MLKL: variants seen among roughly 807,000 people sequenced by gnomAD.
MLKL encodes the protein mixed lineage kinase domain-like protein.
In MLKL, 55 loss-of-function variants were observed where a neutral mutation model predicts 56.5. The ratio of observed to expected loss-of-function variants is 0.97; its 90% CI spans 0.78 to 1.22. The LOEUF is 1.22. Ranked by LOEUF, MLKL falls within the 50% of genes most tolerant of loss-of-function variation. MLKL has a pLI of 0.00. For synonymous variants in MLKL, 251 were observed against 208.3 expected (o/e 1.20, Z -1.76); for missense variants, 694 against 573.9 (o/e 1.21, Z -2.14).
intron 5 of MLKL, among the ~76,000 whole-genome samples, chr16:74,683,193 C>A (rs1275923032): frequency 6.6e-6 from 1 of 151,390 alleles, no homozygotes; most frequent in Non-Finnish European, 1.5e-5. Context: ...CGTGTAATCC[C>A]ATCTACTTGG....
chr16:74,693,814 A>G (rs1960842872), intron 2 of MLKL, among the ~76,000 whole-genome samples: 2 of 152,110 alleles, frequency 1.3e-5, no homozygotes. Flanking sequence ...CGTGTTAGCC[A>G]GGATGGTCTC....
intron 2 of MLKL, among the ~76,000 whole-genome samples, chr16:74,694,498 T>C (rs1597511728): frequency 2.0e-5 from 3 of 151,436 alleles, no homozygotes; most frequent in Admixed American, 1.3e-4. Context: ...CTCGACCTCC[T>C]AGGTGCCTGT....
At chr16:74,685,628 T>C (rs1597495823) in intron 4 of MLKL, 45 bp from the exon 5 acceptor site, 1 of 1,499,628 alleles carries the variant, frequency 6.7e-7, no homozygotes, top group African/African-American at 1.4e-5. Context: ...AACTGGAAGG[T>C]TCCTTAGAGA....
At chr16:74,692,674 A>C (rs966253992) in intron 2 of MLKL, among the ~76,000 whole-genome samples, 5 of 152,272 alleles carry the variant, frequency 3.3e-5, no homozygotes, top group African/African-American at 1.2e-4. Flanking sequence ...GGGAGCATTT[A>C]ACTGACTCTG....
chr16:74,697,314 G>A (rs1272064473), intron 1 of MLKL, among the ~76,000 whole-genome samples: 2 of 152,050 alleles, frequency 1.3e-5, no homozygotes, highest in African/African-American at 2.4e-5. Context: ...TGAGCCACTG[G>A]TTTGAACTGA....
At chr16:74,675,815 AG>A (rs1227983333) in intron 7 of MLKL, 51 bp from the exon 8 acceptor site, 1 of 1,581,628 alleles carries the variant, frequency 6.3e-7, no homozygotes, top group African/African-American at 1.4e-5. Context: ...TGGGTAGAGG[AG>A]TAAAGGGCAG....
intron 7 of MLKL, chr16:74,676,504 ACACGTTTCCTGAG>A: frequency 1.0e-6 from 1 of 981,988 alleles, no homozygotes; most frequent in African/African-American, 1.7e-5. Context: ...TCATTTGCTC[ACACGTTTCCTGAG>A]CACTGACATT....
chr16:74,675,743 T>C lies in MLKL; in HGVS notation c.1060A>G (p.Lys354Glu), dbSNP rs2144446865. ...QVKLAGFELR[K>E]TQTSMSLGTT... ...CCCAAACTCATGGAAGTCTGTGTTTTCCTCAACTCAAATCCTGCAAGCTAG... is the reference window on the plus strand; with the variant it reads ...CCCAAACTCATGGAAGTCTGTGTTTCCCTCAACTCAAATCCTGCAAGCTAG... The change falls in exon 8 of 11, where the codon AAA (lysine) becomes GAA (glutamate). Residue 354 changes from lysine (K) to glutamate (E), a missense_variant. Lys to Glu is a moderately conservative substitution (Grantham distance 56, BLOSUM62 1). Transcript: ENST00000308807. 1 of 1,614,142 alleles carries C rather than the reference T, an allele frequency of 6.2e-7. No individual in the cohort carries two copies. Among genetic ancestry groups the C allele is most frequent in the Non-Finnish European group, 8.5e-7 (1 of 1,180,042 alleles).
At chr16:74,683,665 A>C (rs1342283594) in intron 5 of MLKL, among the ~76,000 whole-genome samples, 1 of 152,048 alleles carries the variant, frequency 6.6e-6, no homozygotes, top group East Asian at 1.9e-4. Flanking sequence ...TATAATTCAA[A>C]ATTTTCTTGA....
Position 74,683,394 on chromosome 16 carries a change from G to A in MLKL, c.821-608C>T, listed in dbSNP as rs188549522. On this transcript the variant is annotated intron_variant, in intron 5 of 10. Coordinates refer to ENST00000308807, the MANE Select transcript of MLKL (RefSeq NM_152649.4). ...GTGGATCACTTGAGGCCAGGAGTTC[G>A]AGACCAGCCTGGCCAACATGATGAA... Among the ~76,000 whole-genome samples the A allele has an allele frequency of 1.6e-3, 241 of 151,692 alleles. 1 individual carries two copies. Among genetic ancestry groups the A allele is most frequent in the Middle Eastern group, 0.014 (4 of 294 alleles).
intron 10 of MLKL, 30 bp from the exon 11 acceptor site, chr16:74,672,568 AG>A: frequency 1.9e-6 from 3 of 1,610,658 alleles, no homozygotes; most frequent in Non-Finnish European, 2.5e-6. Flanking sequence ...AAATTAGACC[AG>A]GGTAGGCAGC....
chr16:74,679,830 C>G lies in MLKL; in HGVS notation c.957-850G>C, dbSNP rs577224534. On this transcript the variant is annotated intron_variant, in intron 6 of 10. Transcript: ENST00000308807. ...GCTCTGTCTCAAAAAAAAAATAACT[C>G]CAAAAGTCCCCCAAACAAACAAAAA... 4.0e-5 allele frequency among the ~76,000 whole-genome samples: 6 copies of G among 151,754 alleles called. No individual in the cohort carries two copies. The South Asian group carries it at 1.0e-3, about 26-fold the overall frequency.
chr16:74,672,768 T>C (rs1294550778), intron 10 of MLKL, among the ~76,000 whole-genome samples: 1 of 152,196 alleles, frequency 6.6e-6, no homozygotes, highest in African/African-American at 2.4e-5. Context: ...CATCTTAGTA[T>C]GAATTACTCT....
intron 7 of MLKL, chr16:74,676,296 G>A: frequency 2.0e-6 from 2 of 986,236 alleles, no homozygotes; most frequent in Non-Finnish European, 1.2e-6. Flanking sequence ...GGCCTGCGCG[G>A]TCACCTGGTG....
At chr16:74,687,195 C>T (rs1039164755) in intron 4 of MLKL, among the ~76,000 whole-genome samples, 2 of 152,068 alleles carry the variant, frequency 1.3e-5, no homozygotes, top group Admixed American at 6.6e-5. Context: ...AGACTAGTCT[C>T]GAACTCCTGA....
At chr16:74,691,509 A>C in intron 3 of MLKL, 46 bp from the exon 4 acceptor site, 1 of 1,581,864 alleles carries the variant, frequency 6.3e-7, no homozygotes, top group Non-Finnish European at 8.6e-7. Context: ...GTCAATGAGC[A>C]GAGGAAGGGG....
chr16:74,682,044 G>A (rs760920626), intron 6 of MLKL, among the ~76,000 whole-genome samples: 10 of 151,818 alleles, frequency 6.6e-5, no homozygotes, highest in Non-Finnish European at 1.3e-4. Flanking sequence ...CCAGTAGTTC[G>A]AGACCAGCCT....
chr16:74,689,002 T>G (rs901418163), intron 4 of MLKL, among the ~76,000 whole-genome samples: 5 of 152,168 alleles, frequency 3.3e-5, no homozygotes, highest in African/African-American at 1.2e-4. Context: ...GGCAAATCTA[T>G]AGAGACAGAA....
chr16:74,676,246 T>C (rs943632662), intron 7 of MLKL: 107 of 991,414 alleles, frequency 1.1e-4, no homozygotes, highest in Admixed American at 4.1e-4. Context: ...GTCAGCCTGA[T>C]CCTTTGGCTT....
Sources: allele counts gnomAD v4.1 joint callset (sites outside exome capture counted in the v4.1 genomes callset), GRCh38; gene constraint gnomAD v4.1.1; transcripts MANE v1.5; gene names NCBI Gene and HGNC (gene_info 2026-07-23, HGNC 2026-07-21).